HELLS: variants seen among roughly 807,000 people sequenced by gnomAD.
HELLS encodes helicase, lymphoid specific, also known as lymphoid-specific helicase.
Under a neutral mutation model 120.0 loss-of-function variants are expected in HELLS, and 32 were observed. The observed-to-expected ratio is 0.27, with a 90% CI of 0.20 to 0.36. The LOEUF is 0.36. Ranked by LOEUF, HELLS falls within the 10% of genes least tolerant of loss-of-function variation. HELLS has a pLI of 1.00. For missense variants in HELLS, 650 were observed against 993.4 expected (o/e 0.65, Z 4.65); for synonymous variants, 341 against 323.4 (o/e 1.05, Z -0.58).
intron 13 of HELLS, among the ~76,000 whole-genome samples, chr10:94,588,873 A>G (rs3758523): frequency 0.47 from 71,968 of 152,122 alleles, 17,517 homozygotes; most frequent in East Asian, 0.78. Context: ...TAGGCCAGGC[A>G]CGGTGGCTCA....
chr10:94,592,961 G>T (rs1453717779), intron 17 of HELLS, among the ~76,000 whole-genome samples: 4 of 151,956 alleles, frequency 2.6e-5, no homozygotes, highest in Non-Finnish European at 5.9e-5. Context: ...TTTAATCCTG[G>T]TTTTTTGGTG....
At chr10:94,573,051 C>G (rs184103872) in intron 7 of HELLS, among the ~76,000 whole-genome samples, 2 of 152,054 alleles carry the variant, frequency 1.3e-5, no homozygotes, top group African/African-American at 4.8e-5. Flanking sequence ...ACTCTGCCTC[C>G]CAGGTTCAAG....
intron 21 of HELLS, 106 bp downstream of exon 21, chr10:94,597,217 G>T: frequency 1.7e-6 from 1 of 592,404 alleles, no homozygotes; most frequent in Non-Finnish European, 2.9e-6. Context: ...ATCCAATCTT[G>T]TTTTATTGTC....
chr10:94,611,169 ATAT>A (rs1846189864), exon 10 of HELLS: 1 of 152,184 alleles, frequency 6.6e-6, no homozygotes, highest in South Asian at 2.1e-4. Flanking sequence ...TAGTTTTATA[ATAT>A]TGCATAGTAG....
At chr10:94,561,064 A>G (rs1843532485) in intron 4 of HELLS, among the ~76,000 whole-genome samples, 1 of 145,960 alleles carries the variant, frequency 6.9e-6, no homozygotes, top group African/African-American at 2.6e-5. Flanking sequence ...TCAAAAAAAA[A>G]AACAAAAAAA....
chr10:94,581,629 C>T, intron 11 of HELLS, 107 bp downstream of exon 11: 1 of 735,778 alleles, frequency 1.4e-6, no homozygotes, highest in Non-Finnish European at 2.2e-6. Flanking sequence ...TTGGCAAGTT[C>T]TTTGTGGTGT....
Position 94,571,448 on chromosome 10 carries a change from A to G in HELLS, c.477+19A>G, listed in dbSNP as rs752279957. On this transcript the variant is annotated intron_variant, in intron 7 of 21. Coordinates refer to ENST00000348459, the MANE Select transcript of HELLS (RefSeq NM_018063.5). ...GAATGAGGTAAGAAATTTATAATGTAAGATTAAGTTTAGAAGTCATATTTA... is the reference window on the plus strand; with the variant it reads ...GAATGAGGTAAGAAATTTATAATGTGAGATTAAGTTTAGAAGTCATATTTA... The G allele has an allele frequency of 2.7e-6, 4 of 1,484,722 alleles. No individual in the cohort carries two copies. In the South Asian group the frequency reaches 4.6e-5, roughly 17 times the overall value. The allele number at this position is 1,484,722 out of a possible 1,614,324, so 92.0% of individuals were successfully genotyped here. A position where few individuals can be genotyped will look rare whatever the true frequency, so the allele number is the denominator to read the frequency against.
chr10:94,608,821 A>T (rs1033620552), intron 9 of HELLS, among the ~76,000 whole-genome samples: 2 of 151,692 alleles, frequency 1.3e-5, no homozygotes, highest in African/African-American at 2.4e-5. Context: ...GTGTTTTTTT[A>T]AATTTTTTTA....
Position 94,601,635 on chromosome 10 carries a change from G to C in HELLS, c.*13G>C, listed in dbSNP as rs1433618189. The stretch of plus-strand genomic sequence containing the variant: ...ATGTTTGTTTTAAAGTGGAGCTCAA[G>C]AATAGCTTTTAAAAGTTCTTATTTA... On this transcript the variant is annotated 3_prime_UTR_variant, in exon 22 of 22. Transcript: ENST00000348459. 3 of 1,404,676 alleles carry C rather than the reference G, an allele frequency of 2.1e-6. No individual in the cohort carries two copies. The Admixed American group carries it at 6.0e-5, about 28-fold the overall frequency. 87.0% of individuals were successfully genotyped at this position (1,404,676 alleles called of 1,614,324 possible).
intron 10 of HELLS, 115 bp from the exon 11 acceptor site, chr10:94,581,210 AC>A: frequency 1.7e-6 from 1 of 577,306 alleles, no homozygotes; most frequent in South Asian, 2.9e-5. Flanking sequence ...TACTGAAATT[AC>A]ATTTGATAAA....
At chr10:94,571,453 T>C in intron 7 of HELLS, 24 bp downstream of exon 7, 2 of 1,477,030 alleles carry the variant, frequency 1.4e-6, no homozygotes, top group Non-Finnish European at 1.9e-6. Context: ...AATGTAAGAT[T>C]AAGTTTAGAA....
chr10:94,566,930 C>T (rs1479442434), intron 6 of HELLS, among the ~76,000 whole-genome samples: 1 of 152,152 alleles, frequency 6.6e-6, no homozygotes, highest in Non-Finnish European at 1.5e-5. Flanking sequence ...GCTGGGATTA[C>T]AGGTGTGAGC....
chr10:94,545,819 G>C lies in HELLS; in HGVS notation c.-103G>C. ...GAAGCGCGCTTTTTTCCCTGGCGGG[G>C]GATTTGGCTAGAAGGCTGGGCCGGC... On this transcript the variant is annotated 5_prime_UTR_variant, in exon 1 of 22. Coordinates refer to ENST00000348459, the MANE Select transcript of HELLS (RefSeq NM_018063.5). 1 of 1,327,622 alleles carries C rather than the reference G, an allele frequency of 7.5e-7. No homozygotes were observed. Among genetic ancestry groups the C allele is most frequent in the South Asian group, 1.3e-5 (1 of 79,444 alleles). The allele number at this position is 1,327,622 out of a possible 1,614,324, so 82.2% of individuals were successfully genotyped here. A position where few individuals can be genotyped will look rare whatever the true frequency, so the allele number is the denominator to read the frequency against.
At chr10:94,550,735 A>G (rs1027136968) in intron 2 of HELLS, among the ~76,000 whole-genome samples, 1 of 152,068 alleles carries the variant, frequency 6.6e-6, no homozygotes, top group African/African-American at 2.4e-5. Flanking sequence ...ACAAAAAATT[A>G]AAAAACTAGC....
chr10:94,601,482 CT>C, intron 21 of HELLS, 45 bp from the exon 22 acceptor site: 1 of 995,722 alleles, frequency 1.0e-6, no homozygotes, highest in Non-Finnish European at 1.6e-6. Flanking sequence ...ACGATTTCTT[CT>C]TCTTATACTT....
intron 17 of HELLS, 49 bp downstream of exon 17, chr10:94,592,563 A>G (rs1465980791): frequency 2.5e-6 from 3 of 1,215,008 alleles, no homozygotes; most frequent in African/African-American, 3.1e-5. Flanking sequence ...TATAATTCCT[A>G]TCTTGATTTC....
At position 94,547,290 on chromosome 10, in the gene HELLS, G is replaced by A. The variant is rs113205820; in HGVS notation, c.153+792G>A. On this transcript the variant is annotated intron_variant, in intron 2 of 21. Transcript: ENST00000348459. ...AAACTCTACCGATATTATGATATAG[G>A]TTATTTTTTGTTATTTTCATTTACA... 3.0e-3 allele frequency among the ~76,000 whole-genome samples: 457 copies of A among 152,194 alleles called. 1 individual carries two copies. The highest frequency in any genetic ancestry group is 0.011 in the African/African-American group (439 of 41,522).
intron 2 of HELLS, among the ~76,000 whole-genome samples, chr10:94,550,006 T>G (rs1842906405): frequency 6.6e-6 from 1 of 152,104 alleles, no homozygotes; most frequent in African/African-American, 2.4e-5. Context: ...CTGCAACCTC[T>G]GCCTCCGGGG....
chr10:94,572,926 A>G (rs1844248673), intron 7 of HELLS, among the ~76,000 whole-genome samples: 1 of 152,076 alleles, frequency 6.6e-6, no homozygotes, highest in Non-Finnish European at 1.5e-5. Context: ...GAAGTAGAGT[A>G]TATTTTTATG....
Sources: allele counts gnomAD v4.1 joint callset (sites outside exome capture counted in the v4.1 genomes callset), GRCh38; gene constraint gnomAD v4.1.1; transcripts MANE v1.5; gene names NCBI Gene and HGNC (gene_info 2026-07-23, HGNC 2026-07-21).